Variants in DDX50 observed in about 807,000 individuals in gnomAD.
The protein encoded by DDX50 is DExD-box helicase 50, also known as ATP-dependent RNA helicase DDX50.
A neutral mutation model predicts 94.8 loss-of-function variants in DDX50; 56 were observed. The ratio of observed to expected loss-of-function variants is 0.59; its 90% confidence interval spans 0.48 to 0.74. The LOEUF is 0.74. Ranked by LOEUF, DDX50 falls within the 30% of genes least tolerant of loss-of-function variation. The pLI is 0.00. For synonymous variants in DDX50, 264 were observed against 295.4 expected, an observed-to-expected ratio of 0.89 and a Z score of 1.09; for missense variants, 713 against 881.2, an observed-to-expected ratio of 0.81 and a Z score of 2.42.
At chr10:68,926,982 G>A (rs759805143) in intron 8 of DDX50, among the ~76,000 whole-genome samples, 26 of 152,030 alleles carry the variant, frequency 1.7e-4, no homozygotes, top group East Asian at 1.2e-3. Context: ...GTGTGATCAC[G>A]GCTCACTGCA....
intron 8 of DDX50, among the ~76,000 whole-genome samples, chr10:68,920,184 C>T (rs538296308): frequency 5.0e-4 from 76 of 152,294 alleles, no homozygotes; most frequent in African/African-American, 1.8e-3. Context: ...TGTCTTGAGA[C>T]AGGGTCTCCC....
Position 68,910,288 on chromosome 10 carries a change from A to G in DDX50, c.385-19A>G, listed in dbSNP as rs373943363. On this transcript the variant is annotated intron_variant, in intron 2 of 14. Coordinates refer to ENST00000373585, the MANE Select transcript of DDX50 (RefSeq NM_024045.2). Reference sequence around the variant, plus strand: ...GAGTTGAGTATAAATTATTTAGGCCATTGATTTCATTTTTACAGACCTTAA... The same window carrying G: ...GAGTTGAGTATAAATTATTTAGGCCGTTGATTTCATTTTTACAGACCTTAA... 4.4e-6 allele frequency: 7 copies of G among 1,577,852 alleles called. No homozygotes were observed. Among genetic ancestry groups the G allele is most frequent in the Admixed American group, 3.9e-5 (2 of 51,232 alleles).
intron 14 of DDX50, among the ~76,000 whole-genome samples, chr10:68,944,270 C>A (rs1033623289): frequency 1.3e-5 from 2 of 152,052 alleles, no homozygotes; most frequent in Non-Finnish European, 2.9e-5. Flanking sequence ...CTCTTTTAAT[C>A]TATAGGTTCT....
At position 68,929,294 on chromosome 10, in the gene DDX50, T is replaced by TTCCTTCCTTCCTTCCTTCCTTC. The variant is rs372281464; in HGVS notation, c.1240-4905_1240-4904insTCCTTCCTTCCTTCCTTCCTTC. Reference sequence around the variant, plus strand: ...CTTCCTTCCTTCCTTCCTTCCTTCCTCTCTCTCTCTCTCTCTCTCTTTCTT... The same window carrying TTCCTTCCTTCCTTCCTTCCTTC: ...CTTCCTTCCTTCCTTCCTTCCTTCCTTCCTTCCTTCCTTCCTTCCTTCCTCTCTCTCTCTCTCTCTCTTTCTT... On this transcript the variant is annotated intron_variant, in intron 8 of 14. Coordinates refer to ENST00000373585, the MANE Select transcript of DDX50 (RefSeq NM_024045.2). Among the ~76,000 whole-genome samples the TTCCTTCCTTCCTTCCTTCCTTC allele has an allele frequency of 3.1e-3, 342 of 109,310 alleles. 1 individual carries two copies. Among genetic ancestry groups the TTCCTTCCTTCCTTCCTTCCTTC allele is most frequent in the Middle Eastern group, 0.014 (3 of 212 alleles). The allele number at this position is 109,310 out of a possible 152,430, so 71.7% of individuals were successfully genotyped here.
At position 68,913,240 on chromosome 10, in the gene DDX50, G is replaced by C; in HGVS notation, c.718G>C (p.Val240Leu). The stretch of plus-strand genomic sequence containing the variant: ...CAAAGATATAACTAGGAAACTCAGC[G>C]TGGCGTGTTTTTATGGTGGAACATC... ...DFKDITRKLS[V>L]ACFYGGTSYQ... Residue 240 changes from valine to leucine, a missense_variant, in exon 5 of 15, where the codon GTG (valine) becomes CTG (leucine). Val to Leu is a conservative substitution (Grantham distance 32, BLOSUM62 1). This residue lies in a region of DDX50 where 285 missense variants were observed against 278.9 expected (regional missense o/e 1.02). Transcript: ENST00000373585. 6.2e-7 allele frequency: 1 copy of C among 1,613,402 alleles called. No individual in the cohort carries two copies. Among genetic ancestry groups the C allele is most frequent in the Non-Finnish European group, 8.5e-7 (1 of 1,179,866 alleles).
At chr10:68,940,365 C>A (rs928673672) in intron 12 of DDX50, among the ~76,000 whole-genome samples, 1 of 143,492 alleles carries the variant, frequency 7.0e-6, no homozygotes, top group East Asian at 2.0e-4. Flanking sequence ...GGTGACAGAG[C>A]GAGACCCTGT....
intron 1 of DDX50, 138 bp downstream of exon 1, chr10:68,901,609 C>G (rs1018349033): frequency 2.2e-6 from 2 of 918,644 alleles, no homozygotes; most frequent in African/African-American, 1.7e-5. Context: ...CCTCGGCCCT[C>G]TGGGGTCGCT....
chr10:68,938,673 T>G (rs1018241435), intron 12 of DDX50, among the ~76,000 whole-genome samples: 1 of 152,240 alleles, frequency 6.6e-6, no homozygotes, highest in African/African-American at 2.4e-5. Context: ...TATCTGATGG[T>G]TTCTACCTGG....
chr10:68,909,932 G>A (rs1056372155), intron 2 of DDX50, among the ~76,000 whole-genome samples: 6 of 152,150 alleles, frequency 3.9e-5, no homozygotes, highest in African/African-American at 1.4e-4. Flanking sequence ...AAAGTGCTGG[G>A]ATTACGGGCA....
chr10:68,926,902 T>TA (rs1444086791), intron 8 of DDX50, among the ~76,000 whole-genome samples: 5 of 148,522 alleles, frequency 3.4e-5, no homozygotes, highest in Admixed American at 2.1e-4. Context: ...AATTATCAAG[T>TA]AAAAAAAACC....
chr10:68,919,551 C>T (rs868591625), intron 7 of DDX50, among the ~76,000 whole-genome samples: 5 of 152,014 alleles, frequency 3.3e-5, no homozygotes, highest in South Asian at 2.1e-4. Context: ...AGATGTTATT[C>T]GGCATTTTTT....
Position 68,934,977 on chromosome 10 carries a change from C to T in DDX50, c.1521+59C>T. 1 of 1,534,136 alleles carries T rather than the reference C, an allele frequency of 6.5e-7. No individual in the cohort carries two copies. The highest frequency in any genetic ancestry group is 1.4e-5 in the African/African-American group (1 of 71,400). Reference sequence around the variant, plus strand: ...CTAAATGGTGCCTTAAAAGAGAGCTCTTCTTATATTTATTCTTACAAGTAG... The same window carrying T: ...CTAAATGGTGCCTTAAAAGAGAGCTTTTCTTATATTTATTCTTACAAGTAG... On this transcript the variant is annotated intron_variant, in intron 10 of 14. Transcript: ENST00000373585. The surrounding 1 kb of genome is among the most constrained non-coding windows in gnomAD (Gnocchi z 4.0).
rs755092292 is a variant in DDX50 at position 68,919,983 on chromosome 10, T to G, written c.1239+2T>G. 2 of 1,613,046 alleles carry G rather than the reference T, an allele frequency of 1.2e-6. No homozygotes were observed. The highest frequency in any genetic ancestry group is 1.7e-6 in the Non-Finnish European group (2 of 1,179,792). ...GCCATGAATCCACACATAAAACAGGTAAGTCTTTTTTTCATGCTTTCTCTA... is the reference window on the plus strand; with the variant it reads ...GCCATGAATCCACACATAAAACAGGGAAGTCTTTTTTTCATGCTTTCTCTA... On this transcript the variant is annotated splice_donor_variant, in intron 8 of 14. Transcript: ENST00000373585. LOFTEE classifies it high-confidence loss of function.
rs933543256 is a variant in DDX50 at position 68,941,050 on chromosome 10, A to G, written c.1756-10A>G. The G allele has an allele frequency of 3.1e-6, 5 of 1,595,628 alleles. No homozygotes were observed. Among genetic ancestry groups the G allele is most frequent in the Non-Finnish European group, 4.3e-6 (5 of 1,174,816 alleles). ...TATTTCCAAACATAATGTGGTTTTTATTCCTTAAGGGGTTTGTGACCATGA... is the reference window on the plus strand; with the variant it reads ...TATTTCCAAACATAATGTGGTTTTTGTTCCTTAAGGGGTTTGTGACCATGA... On this transcript the variant is annotated splice_polypyrimidine_tract_variant and intron_variant, in intron 12 of 14. Transcript: ENST00000373585.
intron 7 of DDX50, 51 bp downstream of exon 7, chr10:68,914,255 T>G: frequency 6.3e-7 from 1 of 1,591,522 alleles, no homozygotes; most frequent in Non-Finnish European, 8.5e-7. Flanking sequence ...GGTATTTACT[T>G]TTGACATTTG....
intron 4 of DDX50, 48 bp from the exon 5 acceptor site, chr10:68,913,114 A>G (rs779587811): frequency 5.1e-5 from 75 of 1,463,446 alleles, no homozygotes; most frequent in South Asian, 8.8e-5. Flanking sequence ...TTTAATTTAG[A>G]TATGTCTTTA....
intron 8 of DDX50, among the ~76,000 whole-genome samples, chr10:68,930,095 CCTTCCTTT>C (rs1842214082): frequency 7.0e-6 from 1 of 143,556 alleles, no homozygotes; most frequent in African/African-American, 2.8e-5. Flanking sequence ...TTCCTTCCTT[CCTTCCTTT>C]CTTTCCTTTC....
chr10:68,908,257 G>T (rs1589249402), intron 2 of DDX50, among the ~76,000 whole-genome samples: 2 of 151,954 alleles, frequency 1.3e-5, no homozygotes, highest in Non-Finnish European at 2.9e-5. Context: ...TCCAAGACCA[G>T]CCTGACCGAC....
intron 2 of DDX50, among the ~76,000 whole-genome samples, chr10:68,908,593 A>G (rs1407528098): frequency 6.8e-6 from 1 of 147,856 alleles, no homozygotes; most frequent in African/African-American, 2.5e-5. Context: ...ATTATAAATA[A>G]TTTTTAAATT....
Sources: gnomAD v4.1 joint callset for allele counts (sites outside exome capture counted in the v4.1 genomes callset) on GRCh38, gnomAD v4.1.1 for gene constraint, gnomAD v4.1.1 regional missense constraint, Gnocchi (gnomAD v3.1) non-coding constraint, MANE v1.5 for transcripts, NCBI Gene and HGNC (gene_info 2026-07-23, HGNC 2026-07-21) for gene names.